KLF8: variants seen among roughly 807,000 people sequenced by gnomAD.
KLF8 encodes KLF transcription factor 8, also known as Krueppel-like factor 8.
KLF8 carries 10 observed loss-of-function variants against 18.2 expected under a neutral mutation model. The ratio of observed to expected loss-of-function variants is 0.55; its 90% CI spans 0.34 to 0.93. The LOEUF is 0.93. KLF8 is among the 40% of genes least tolerant of loss of function. The pLI is 0.02. For missense variants in KLF8, 264 were observed against 277.9 expected (o/e 0.95, Z 0.36); for synonymous variants, 109 against 97.3 (o/e 1.12, Z -0.71).
the KLF8 span, among the ~76,000 whole-genome samples, chrX:56,052,172 A>G: frequency 9.0e-6 from 1 of 110,526 alleles, no homozygotes; most frequent in Non-Finnish European, 1.9e-5. Flanking sequence ...ACATTCTTCT[A>G]AATTTTTTTC....
At chrX:56,243,437 A>G in intron 1 of KLF8, 1 of 207,463 alleles carries the variant, frequency 4.8e-6, no homozygotes, top group Non-Finnish European at 8.9e-6. Flanking sequence ...TTTTACAGCT[A>G]CTTCTGAGTA....
At chrX:56,150,458 C>G in the KLF8 span, among the ~76,000 whole-genome samples, 1 of 111,808 alleles carries the variant, frequency 8.9e-6, no homozygotes, top group Non-Finnish European at 1.9e-5. Context: ...GGCAAAGAAG[C>G]TTTGGTATTT....
chrX:55,949,563 G>A, the KLF8 span, among the ~76,000 whole-genome samples: 2 of 110,296 alleles, frequency 1.8e-5, no homozygotes, highest in East Asian at 2.8e-4. Context: ...GGAGGCCGAG[G>A]GGGTGGATCA....
the KLF8 span, among the ~76,000 whole-genome samples, chrX:56,089,034 A>T: frequency 1.8e-5 from 2 of 111,461 alleles, no homozygotes; most frequent in Admixed American, 1.9e-4. Flanking sequence ...ACTCCTGACA[A>T]CTGTTTTTTC....
At chrX:56,283,002 C>G (rs1569194042) in intron 5 of KLF8, among the ~76,000 whole-genome samples, 2 of 111,869 alleles carry the variant, frequency 1.8e-5, no homozygotes, top group Non-Finnish European at 1.9e-5. Context: ...TCACTTTCCA[C>G]AAAGTCATTC....
At chrX:56,178,892 T>A in the KLF8 span, among the ~76,000 whole-genome samples, 1 of 112,431 alleles carries the variant, frequency 8.9e-6, no homozygotes, top group Non-Finnish European at 1.9e-5. Context: ...TGTCGCCTTG[T>A]ACTATAGCTT....
intron 1 of KLF8, chrX:56,243,148 G>A: frequency 1.9e-6 from 1 of 519,304 alleles, no homozygotes; most frequent in Non-Finnish European, 3.5e-6. Context: ...TCTTCTTCAT[G>A]GCCGACACAG....
chrX:56,127,046 C>G, the KLF8 span, among the ~76,000 whole-genome samples: 13,843 of 110,191 alleles, frequency 0.13, 1,602 homozygotes, highest in African/African-American at 0.37. Flanking sequence ...AACCACCATG[C>G]CTGGCCTACA....
At chrX:56,158,088 A>G in the KLF8 span, among the ~76,000 whole-genome samples, 1 of 111,888 alleles carries the variant, frequency 8.9e-6, no homozygotes, top group Non-Finnish European at 1.9e-5. Context: ...GAAGGGATCC[A>G]GTTTCAGCTT....
chrX:55,947,972 CA>C, the KLF8 span, among the ~76,000 whole-genome samples: 1 of 112,036 alleles, frequency 8.9e-6, no homozygotes, highest in Non-Finnish European at 1.9e-5. Flanking sequence ...GCCAATAACT[CA>C]GTCCATTATT....
chrX:56,029,075 G>A, the KLF8 span, among the ~76,000 whole-genome samples: 1 of 111,054 alleles, frequency 9.0e-6, no homozygotes, highest in Non-Finnish European at 1.9e-5. Context: ...TACTGCTTTT[G>A]TCTGATTGGC....
chrX:56,053,738 G>T, the KLF8 span, among the ~76,000 whole-genome samples: 1 of 108,617 alleles, frequency 9.2e-6, no homozygotes, highest in African/African-American at 3.3e-5. Flanking sequence ...ATCTTGGGAG[G>T]GTGTATGTGT....
chrX:56,277,455 G>A (rs760824687), intron 5 of KLF8, among the ~76,000 whole-genome samples: 1 of 111,740 alleles, frequency 8.9e-6, no homozygotes, highest in Admixed American at 9.5e-5. Context: ...GAATTTTCTG[G>A]ATTACCAAGC....
chrX:56,160,349 G>A, the KLF8 span, among the ~76,000 whole-genome samples: 2 of 111,742 alleles, frequency 1.8e-5, no homozygotes, highest in African/African-American at 6.5e-5. Context: ...GTGGTGCTGA[G>A]AAGAATGTAT....
chrX:56,051,150 G>A, the KLF8 span, among the ~76,000 whole-genome samples: 2 of 110,820 alleles, frequency 1.8e-5, no homozygotes, highest in Non-Finnish European at 3.8e-5. Flanking sequence ...TTTATTTTGA[G>A]CCTATGTGTG....
chrX:56,161,016 A>T, the KLF8 span, among the ~76,000 whole-genome samples: 1 of 111,509 alleles, frequency 9.0e-6, no homozygotes, highest in African/African-American at 3.3e-5. Flanking sequence ...ATGTTTTTGC[A>T]GTGGCTGGTA....
chrX:56,279,364 G>A (rs763126672), intron 5 of KLF8, among the ~76,000 whole-genome samples: 1 of 111,592 alleles, frequency 9.0e-6, no homozygotes, highest in East Asian at 2.8e-4. Flanking sequence ...TTGTTACATG[G>A]ATATGATACA....
At chrX:55,957,045 T>C in the KLF8 span, among the ~76,000 whole-genome samples, 1 of 111,137 alleles carries the variant, frequency 9.0e-6, no homozygotes, top group Non-Finnish European at 1.9e-5. Context: ...AGGTCTTTGA[T>C]CCATTTTGAA....
the KLF8 span, among the ~76,000 whole-genome samples, chrX:56,201,063 A>G: frequency 8.9e-6 from 1 of 112,002 alleles, no homozygotes; most frequent in African/African-American, 3.2e-5. Flanking sequence ...TTTTCTCAAA[A>G]AATTAAAAAT....
Sources: allele counts gnomAD v4.1 joint callset (sites outside exome capture counted in the v4.1 genomes callset), GRCh38; gene constraint gnomAD v4.1.1; transcripts MANE v1.5; gene names NCBI Gene and HGNC (gene_info 2026-07-23, HGNC 2026-07-21).